PCDHGB1: variants seen among roughly 807,000 people sequenced by gnomAD.
The protein encoded by PCDHGB1 is protocadherin gamma subfamily B, 1, also known as protocadherin gamma-B1.
PCDHGB1 carries 34 observed loss-of-function variants against 56.6 expected under a neutral mutation model. The ratio of observed to expected loss-of-function variants is 0.60; its 90% CI spans 0.46 to 0.80. The LOEUF is 0.80. Among genes scored for constraint, PCDHGB1 ranks in the 30% least tolerant of loss-of-function variants. The probability of loss-of-function intolerance (pLI) is 0.00; values close to 1 mark genes in which losing one functional copy is unlikely to be tolerated. For synonymous variants in PCDHGB1, 561 were observed against 505.9 expected (o/e 1.11, Z -1.46); for missense variants, 1,278 against 1,204.6 (o/e 1.06, Z -0.90).
intron 1 of PCDHGB1, chr5:141,357,434 G>T: frequency 6.2e-7 from 1 of 1,614,214 alleles, no homozygotes; most frequent in Non-Finnish European, 8.5e-7. Flanking sequence ...GGCGTGGACG[G>T]GGTTCGGGCT....
chr5:141,384,986 C>T (rs867210871), intron 1 of PCDHGB1: 11 of 1,613,988 alleles, frequency 6.8e-6, no homozygotes, highest in Middle Eastern at 1.6e-4. Flanking sequence ...CTGGTGGTGG[C>T]GGTGGCCACA....
chr5:141,473,776 T>C (rs1026169931), intron 1 of PCDHGB1, among the ~76,000 whole-genome samples: 1 of 152,214 alleles, frequency 6.6e-6, no homozygotes, highest in Non-Finnish European at 1.5e-5. Context: ...TTTGGTATTT[T>C]AATTCAAGAG....
At position 141,403,190 on chromosome 5, in the gene PCDHGB1, C is replaced by G. The variant is rs768673759; in HGVS notation, c.2409+50521C>G. The G allele has an allele frequency of 1.1e-5, 17 of 1,613,864 alleles. No homozygotes were observed. The African/African-American group carries it at 2.0e-4, about 19-fold the overall frequency. On this transcript the variant is annotated intron_variant, in intron 1 of 3. Coordinates refer to ENST00000523390, the MANE Select transcript of PCDHGB1 (RefSeq NM_018922.3). ...GACGCAGCTTTTCTCTCTGAACCCG[C>G]GCAGCGGCACCTTGGTCACCGCGGG...
chr5:141,421,795 GC>G, intron 1 of PCDHGB1: 1 of 1,613,818 alleles, frequency 6.2e-7, no homozygotes, highest in East Asian at 2.2e-5. Context: ...AACGGATGGG[GC>G]CAAGAATCCA....
intron 2 of PCDHGB1, among the ~76,000 whole-genome samples, chr5:141,500,942 C>T (rs937418207): frequency 2.0e-5 from 3 of 151,926 alleles, no homozygotes; most frequent in Non-Finnish European, 4.4e-5. Context: ...CATCTCGGCT[C>T]ACTGCAAGCT....
intron 1 of PCDHGB1, among the ~76,000 whole-genome samples, chr5:141,359,737 A>G (rs1761307035): frequency 6.6e-6 from 1 of 152,224 alleles, no homozygotes; most frequent in African/African-American, 2.4e-5. Flanking sequence ...CCCCTGTGAA[A>G]GCATTTCTCC....
intron 1 of PCDHGB1, among the ~76,000 whole-genome samples, chr5:141,466,614 G>A (rs75804312): frequency 1.4e-3 from 218 of 152,142 alleles, no homozygotes; most frequent in Middle Eastern, 6.8e-3. Context: ...GTAAACTGCC[G>A]TTTTCTTTGG....
At chr5:141,478,295 T>C (rs1210224121) in intron 1 of PCDHGB1, 5 of 1,614,004 alleles carry the variant, frequency 3.1e-6, no homozygotes, top group African/African-American at 2.7e-5. Flanking sequence ...TAGAGACCTA[T>C]ACCGAGCCCC....
chr5:141,398,597 C>A (rs986852077), intron 1 of PCDHGB1: 4 of 1,614,006 alleles, frequency 2.5e-6, no homozygotes, highest in Non-Finnish European at 3.4e-6. Flanking sequence ...CTAGAAGTAG[C>A]AGAAGATGCA....
chr5:141,506,180 G>T (rs548366782), intron 3 of PCDHGB1, among the ~76,000 whole-genome samples: 44 of 152,294 alleles, frequency 2.9e-4, no homozygotes, highest in Non-Finnish European at 5.7e-4. Context: ...GCTGGGCGTG[G>T]TGGCTCACGC....
At position 141,403,340 on chromosome 5, in the gene PCDHGB1, G is replaced by GC. The variant is rs1435471755; in HGVS notation, c.2409+50675dup. The GC allele has an allele frequency of 5.6e-6, 9 of 1,613,982 alleles. No homozygotes were observed. In the South Asian group the frequency reaches 9.9e-5, roughly 18 times the overall value. ...AGAAGTAACTGATATTAACGACAGCGCCCCAAAGTTCCAGGCCGAAAGTCT... is the reference window on the plus strand; with the variant it reads ...AGAAGTAACTGATATTAACGACAGCGCCCCCAAAGTTCCAGGCCGAAAGTCT... On this transcript the variant is annotated intron_variant, in intron 1 of 3. Transcript: ENST00000523390.
At chr5:141,405,708 C>T (rs1328051668) in intron 1 of PCDHGB1, among the ~76,000 whole-genome samples, 2 of 152,164 alleles carry the variant, frequency 1.3e-5, no homozygotes, top group African/African-American at 4.8e-5. Context: ...GAATTCCTAA[C>T]CTCAAGTGAT....
In PCDHGB1 at chr5:141,491,158, GA is replaced by G; in HGVS notation, c.2410-3648del. On this transcript the variant is annotated intron_variant, in intron 1 of 3. Transcript: ENST00000523390. This position sits in a 1 kb window ranked among gnomAD's most constrained non-coding sequence, Gnocchi z 6.9. ...CCGGGCCTTACTGGAGGATGACTCT[GA>G]CACCCAGCAGGTGGTGGTCCTGGTG... 6.2e-7 allele frequency: 1 copy of G among 1,614,130 alleles called. No homozygotes were observed. The highest frequency in any genetic ancestry group is 8.5e-7 in the Non-Finnish European group (1 of 1,179,972).
chr5:141,364,408 A>G (rs573254227), intron 1 of PCDHGB1: 30 of 1,610,674 alleles, frequency 1.9e-5, no homozygotes, highest in Non-Finnish European at 2.4e-5. Flanking sequence ...TGTGCGAGCC[A>G]GGATCCGGGC....
At chr5:141,390,334 A>T (rs764594293) in intron 1 of PCDHGB1, 1 of 1,597,538 alleles carries the variant, frequency 6.3e-7, no homozygotes, top group Non-Finnish European at 8.5e-7. Flanking sequence ...ATTTCTCCAT[A>T]TTCACAAGAA....
intron 1 of PCDHGB1, chr5:141,384,672 G>A (rs1316537355): frequency 6.2e-7 from 1 of 1,614,086 alleles, no homozygotes; most frequent in Non-Finnish European, 8.5e-7. Flanking sequence ...TGACCAAGGT[G>A]GTGGCGGTGG....
At position 141,403,413 on chromosome 5, in the gene PCDHGB1, T is replaced by G. The variant is rs1467852757; in HGVS notation, c.2409+50744T>G. The G allele has an allele frequency of 1.2e-6, 2 of 1,613,928 alleles. No individual in the cohort carries two copies. Among genetic ancestry groups the G allele is most frequent in the African/African-American group, 2.7e-5 (2 of 74,948 alleles). ...GCGGTTCCTGGAGCACGTTATCCACTTCCAGAAGCTATTGATCCGGATGTT... is the reference window on the plus strand; with the variant it reads ...GCGGTTCCTGGAGCACGTTATCCACGTCCAGAAGCTATTGATCCGGATGTT... On this transcript the variant is annotated intron_variant, in intron 1 of 3. Transcript: ENST00000523390.
In PCDHGB1 at chr5:141,487,522, T is replaced by C. The variant is rs764726787; in HGVS notation, c.2410-7285T>C. 2 of 1,614,166 alleles carry C rather than the reference T, an allele frequency of 1.2e-6. No individual in the cohort carries two copies. The highest frequency in any genetic ancestry group is 1.7e-6 in the Non-Finnish European group (2 of 1,180,022). ...TGGCTTCTGCACCCACTCGGAGTGATAGCTTCATGATGGTGAAGTCACCCA... is the reference window on the plus strand; with the variant it reads ...TGGCTTCTGCACCCACTCGGAGTGACAGCTTCATGATGGTGAAGTCACCCA... On this transcript the variant is annotated intron_variant, in intron 1 of 3. Coordinates refer to ENST00000523390, the MANE Select transcript of PCDHGB1 (RefSeq NM_018922.3). This position sits in a 1 kb window ranked among gnomAD's most constrained non-coding sequence, Gnocchi z 5.0.
chr5:141,370,467 T>C lies in PCDHGB1; in HGVS notation c.2409+17798T>C, dbSNP rs563836197. 3.3e-5 allele frequency: 53 copies of C among 1,613,232 alleles called. 2 individuals are homozygous for C. In the South Asian group the frequency reaches 4.4e-4, roughly 13 times the overall value. On this transcript the variant is annotated intron_variant, in intron 1 of 3. Transcript: ENST00000523390. ...GCTATTTCTCTTCCTGCTCTCTTTG[T>C]TAGACCAGGCTCTCTCCGAACCGAT...
Sources: gnomAD v4.1 joint callset for allele counts (sites outside exome capture counted in the v4.1 genomes callset) on GRCh38, gnomAD v4.1.1 for gene constraint, Gnocchi (gnomAD v3.1) non-coding constraint, MANE v1.5 for transcripts, NCBI Gene and HGNC (gene_info 2026-07-23, HGNC 2026-07-21) for gene names.